CCDC134: variants seen among roughly 807,000 people sequenced by gnomAD.
CCDC134 encodes the protein coiled-coil domain containing 134.
CCDC134 carries 27 observed loss-of-function variants against 25.6 expected under a neutral mutation model. The observed-to-expected ratio is 1.05, with a 90% CI of 0.78 to 1.45. CCDC134 has a LOEUF of 1.45. Ranked by LOEUF, CCDC134 falls within the 40% of genes most tolerant of loss-of-function variation. The probability of loss-of-function intolerance (pLI) is 0.00; values close to 1 mark genes in which losing one functional copy is unlikely to be tolerated. For missense variants in CCDC134, 261 were observed against 286.7 expected (o/e 0.91, Z 0.65); for synonymous variants, 110 against 115.0 (o/e 0.96, Z 0.28).
At chr22:41,809,779 T>G in intron 2 of CCDC134, 100 bp from the exon 3 acceptor site, 1 of 1,505,108 alleles carries the variant, frequency 6.6e-7, no homozygotes, top group Non-Finnish European at 9.0e-7. Flanking sequence ...CCATGGCCCT[T>G]GCAGATACTT....
At chr22:41,816,089 G>C (rs2076621589) in intron 6 of CCDC134, among the ~76,000 whole-genome samples, 1 of 152,210 alleles carries the variant, frequency 6.6e-6, no homozygotes, top group Non-Finnish European at 1.5e-5. Context: ...AGAGAGTTTA[G>C]ATTGACCTGC....
chr22:41,807,512 T>C (rs951987943), intron 1 of CCDC134, among the ~76,000 whole-genome samples: 1 of 149,042 alleles, frequency 6.7e-6, no homozygotes, highest in Non-Finnish European at 1.5e-5. Flanking sequence ...CAATGAGCCA[T>C]GACTGTGCCA....
At chr22:41,822,070 A>G (rs2076655067) in intron 6 of CCDC134, among the ~76,000 whole-genome samples, 1 of 151,932 alleles carries the variant, frequency 6.6e-6, no homozygotes, top group Non-Finnish European at 1.5e-5. Context: ...GGAGTTAGAG[A>G]AGGTAGAAGG....
In CCDC134 at chr22:41,815,682, T is replaced by C. The variant is rs145797994; in HGVS notation, c.564+1860T>C. ...TATTATTTTTTTTATAGACAGGGTCTTGCTCTGTCACCCAAGCTCTGTCAC... is the reference window on the plus strand; with the variant it reads ...TATTATTTTTTTTATAGACAGGGTCCTGCTCTGTCACCCAAGCTCTGTCAC... On this transcript the variant is annotated intron_variant, in intron 6 of 6. Coordinates refer to ENST00000255784, the MANE Select transcript of CCDC134 (RefSeq NM_024821.5). 1.3e-3 allele frequency among the ~76,000 whole-genome samples: 193 copies of C among 152,234 alleles called. 2 individuals carry two copies. The highest frequency in any genetic ancestry group is 4.6e-3 in the African/African-American group (190 of 41,534).
chr22:41,825,617 C>G lies in CCDC134; in HGVS notation c.565-81C>G. The G allele has an allele frequency of 6.3e-6, 10 of 1,575,226 alleles. No individual in the cohort carries two copies. Among genetic ancestry groups the G allele is most frequent in the Non-Finnish European group, 8.6e-6 (10 of 1,157,060 alleles). ...CTGTGTCCAGGGAACCTTCCTATTC[C>G]CACACCCCGCTGGTGGCCTAGCTCA... On this transcript the variant is annotated intron_variant, in intron 6 of 6. Coordinates refer to ENST00000255784, the MANE Select transcript of CCDC134 (RefSeq NM_024821.5). This position sits in a 1 kb window ranked among gnomAD's most constrained non-coding sequence, Gnocchi z 4.4.
chr22:41,810,886 C>T (rs553545433), intron 4 of CCDC134, among the ~76,000 whole-genome samples: 1 of 152,258 alleles, frequency 6.6e-6, no homozygotes, highest in East Asian at 1.9e-4. Flanking sequence ...CAAATCTCCA[C>T]CATAACTCTG....
chr22:41,819,965 A>T (rs983446473), intron 6 of CCDC134, among the ~76,000 whole-genome samples: 5 of 67,726 alleles, frequency 7.4e-5, no homozygotes, highest in African/African-American at 3.8e-4. Context: ...TTACCACTTT[A>T]TATATATATA....
At chr22:41,804,655 G>T (rs1183360051) in intron 1 of CCDC134, among the ~76,000 whole-genome samples, 1 of 152,200 alleles carries the variant, frequency 6.6e-6, no homozygotes, top group Admixed American at 6.5e-5. Context: ...GGAAGTGACA[G>T]ATTTTACTCA....
At position 41,829,677 on chromosome 22, in the gene CCDC134, A is replaced by G. The variant is rs913723155; in HGVS notation, c.*3854A>G. 2.0e-5 allele frequency among the ~76,000 whole-genome samples: 3 copies of G among 152,202 alleles called. No homozygotes were observed. Among genetic ancestry groups the G allele is most frequent in the Non-Finnish European group, 4.4e-5 (3 of 68,026 alleles). On this transcript the variant is annotated 3_prime_UTR_variant, in exon 7 of 7. Transcript: ENST00000255784. ...GGAAGTAAATGAAAAACCATATACA[A>G]AATTATCTTCTGTGACCCGTAGCAC...
At chr22:41,801,030 G>A (rs2076539681) in intron 1 of CCDC134, among the ~76,000 whole-genome samples, 2 of 152,202 alleles carry the variant, frequency 1.3e-5, no homozygotes, top group South Asian at 4.1e-4. Context: ...GCCAGGAGGA[G>A]CTCCGGGTGA....
At chr22:41,801,206 C>T (rs570215765) in intron 1 of CCDC134, among the ~76,000 whole-genome samples, 1 of 152,294 alleles carries the variant, frequency 6.6e-6, no homozygotes, top group African/African-American at 2.4e-5. Context: ...TTGCCCTAGC[C>T]TGGTTCTGGT....
intron 1 of CCDC134, among the ~76,000 whole-genome samples, chr22:41,806,204 T>C (rs1322411303): frequency 2.0e-5 from 3 of 151,048 alleles, no homozygotes; most frequent in Non-Finnish European, 4.4e-5. Flanking sequence ...CTTTTTTTTT[T>C]AGGCGACTAA....
chr22:41,812,563 C>T (rs12106636), intron 4 of CCDC134, among the ~76,000 whole-genome samples: 19 of 151,962 alleles, frequency 1.3e-4, no homozygotes, highest in African/African-American at 4.1e-4. Flanking sequence ...TTTAGAAGGC[C>T]GAGGTAGGAG....
In CCDC134 at chr22:41,825,578, G is replaced by T. The variant is rs568079389; in HGVS notation, c.565-120G>T. 5.3e-6 allele frequency: 7 copies of T among 1,310,142 alleles called. No individual in the cohort carries two copies. The highest frequency in any genetic ancestry group is 2.3e-4 in the Middle Eastern group (1 of 4,424). The allele number at this position is 1,310,142 out of a possible 1,614,324, so 81.2% of individuals were successfully genotyped here. ...TCCCAAACCCATTTCCTGTCTCCGT[G>T]TCTGGGGCAGGGCCTGTGTCCAGGG... On this transcript the variant is annotated intron_variant, in intron 6 of 6. Coordinates refer to ENST00000255784, the MANE Select transcript of CCDC134 (RefSeq NM_024821.5). This position sits in a 1 kb window ranked among gnomAD's most constrained non-coding sequence, Gnocchi z 4.4.
In CCDC134 at chr22:41,828,436, C is replaced by T. The variant is rs1342712830; in HGVS notation, c.*2613C>T. Reference sequence around the variant, plus strand: ...GTGGGGCCTGGTCTTGAACTATCTCCTCATCTGCCCCTTCTGGCACCTCCT... The same window carrying T: ...GTGGGGCCTGGTCTTGAACTATCTCTTCATCTGCCCCTTCTGGCACCTCCT... On this transcript the variant is annotated 3_prime_UTR_variant, in exon 7 of 7. Transcript: ENST00000255784. Among the ~76,000 whole-genome samples, 2 of 152,172 alleles carry T rather than the reference C, an allele frequency of 1.3e-5. No homozygotes were observed. Among genetic ancestry groups the T allele is most frequent in the Non-Finnish European group, 2.9e-5 (2 of 68,036 alleles).
intron 1 of CCDC134, among the ~76,000 whole-genome samples, chr22:41,804,401 T>A (rs2076558294): frequency 6.6e-6 from 1 of 152,214 alleles, no homozygotes; most frequent in Non-Finnish European, 1.5e-5. Flanking sequence ...TGAAAGAAAG[T>A]TAGATTGGAG....
chr22:41,803,177 C>T (rs1301258659), intron 1 of CCDC134, among the ~76,000 whole-genome samples: 1 of 152,006 alleles, frequency 6.6e-6, no homozygotes, highest in Non-Finnish European at 1.5e-5. Flanking sequence ...GGTAGAGGAT[C>T]ACTTAAGCCC....
chr22:41,818,715 C>T (rs7292894), intron 6 of CCDC134, among the ~76,000 whole-genome samples: 4,241 of 152,258 alleles, frequency 0.028, 97 homozygotes, highest in Admixed American at 0.073. Flanking sequence ...GCTGAAATGA[C>T]GCATACCCCA....
At position 41,829,777 on chromosome 22, in the gene CCDC134, T is replaced by G. The variant is rs867179158; in HGVS notation, c.*3954T>G. Among the ~76,000 whole-genome samples the G allele has an allele frequency of 6.6e-6, 1 of 151,482 alleles. No homozygotes were observed. The highest frequency in any genetic ancestry group is 2.4e-5 in the African/African-American group (1 of 41,402). The stretch of plus-strand genomic sequence containing the variant: ...CCATCCCTTTTCTTTCTTTCTTTCT[T>G]TTTTTTCTTTTTTTTTGAGACAAGT... On this transcript the variant is annotated 3_prime_UTR_variant, in exon 7 of 7. Transcript: ENST00000255784.
Sources: allele counts gnomAD v4.1 joint callset (sites outside exome capture counted in the v4.1 genomes callset), GRCh38; gene constraint gnomAD v4.1.1; non-coding constraint Gnocchi (gnomAD v3.1); transcripts MANE v1.5; gene names NCBI Gene and HGNC (gene_info 2026-07-23, HGNC 2026-07-21).